Variants in CFAP206 observed in about 807,000 individuals in gnomAD.
CFAP206 encodes the protein cilia- and flagella-associated protein 206.
Under a neutral mutation model 65.4 loss-of-function variants are expected in CFAP206, and 53 were observed. That is an observed-to-expected ratio of 0.81 (90% CI 0.65 to 1.02). CFAP206 has a LOEUF of 1.02. Ranked by LOEUF, CFAP206 falls within the 50% of genes least tolerant of loss-of-function variation. CFAP206 has a pLI of 0.00. For missense variants in CFAP206, 663 were observed against 753.2 expected, an observed-to-expected ratio of 0.88 and a Z score of 1.40; for synonymous variants, 250 against 254.4, an observed-to-expected ratio of 0.98 and a Z score of 0.17.
At chr6:87,438,725 T>A (rs1768315836) in intron 11 of CFAP206, among the ~76,000 whole-genome samples, 1 of 152,184 alleles carries the variant, frequency 6.6e-6, no homozygotes, top group Admixed American at 6.5e-5. Context: ...AGTGACAACA[T>A]TTTTATTCTG....
intron 9 of CFAP206, among the ~76,000 whole-genome samples, 192 bp downstream of exon 9, chr6:87,429,016 G>A (rs1392568599): frequency 1.3e-5 from 2 of 152,170 alleles, no homozygotes; most frequent in Admixed American, 6.5e-5. Flanking sequence ...CGAGGCGGGT[G>A]GATCACCTGA....
chr6:87,409,294 A>G (rs1465193797), intron 1 of CFAP206, among the ~76,000 whole-genome samples: 3 of 151,314 alleles, frequency 2.0e-5, no homozygotes, highest in Admixed American at 2.0e-4. Flanking sequence ...TGGCACCGCA[A>G]CCTCCGCCTC....
chr6:87,460,982 A>T (rs1219449525), intron 11 of CFAP206, 40 bp from the exon 12 acceptor site: 1 of 1,529,628 alleles, frequency 6.5e-7, no homozygotes, highest in Non-Finnish European at 8.7e-7. Flanking sequence ...AATAATGTTT[A>T]TTTTTTACAA....
In CFAP206 at chr6:87,409,823, T is replaced by G; in HGVS notation, c.-5-12T>G. 6.4e-7 allele frequency: 1 copy of G among 1,553,500 alleles called. No homozygotes were observed. Among genetic ancestry groups the G allele is most frequent in the Non-Finnish European group, 8.8e-7 (1 of 1,140,430 alleles). ...CCACGGTTTTTTTAAAAAAAATTGT[T>G]GTTTTATTTAGCCAGAATGCCTCCA... On this transcript the variant is annotated splice_polypyrimidine_tract_variant and intron_variant, in intron 1 of 12. Transcript: ENST00000369562.
At chr6:87,421,224 G>A (rs755710781) in intron 7 of CFAP206, among the ~76,000 whole-genome samples, 12 of 152,204 alleles carry the variant, frequency 7.9e-5, no homozygotes, top group Non-Finnish European at 1.6e-4. Flanking sequence ...GGTGGCTCAC[G>A]CCTATAATCC....
chr6:87,420,779 A>G (rs1162123229), intron 7 of CFAP206, among the ~76,000 whole-genome samples: 1 of 152,194 alleles, frequency 6.6e-6, no homozygotes, highest in African/African-American at 2.4e-5. Context: ...CTCATTTCCA[A>G]GCTCCTTGCT....
Position 87,409,930 on chromosome 6 carries a change from ACT to A in CFAP206, c.94_95del (p.Leu32AspfsTer14), listed in dbSNP as rs773342800. 4.9e-4 allele frequency: 794 copies of A among 1,608,322 alleles called. 2 individuals carry two copies. The highest frequency in any genetic ancestry group is 2.9e-4 in the Admixed American group (17 of 59,480). Reference sequence around the variant, plus strand: ...AGCCCATGGAGAGATTGTTTCTGAAACTCTGATTGCTTTTATGGTAAGAAGAA... The same window carrying A: ...AGCCCATGGAGAGATTGTTTCTGAAACTGATTGCTTTTATGGTAAGAAGAA... ...CAAHGEIVSE[T>X]LIAFMVKAVV... On this transcript the variant is annotated frameshift_variant, in exon 2 of 13. Transcript: ENST00000369562. LOFTEE classifies it high-confidence loss of function.
chr6:87,459,038 T>C (rs1213678829), intron 11 of CFAP206, among the ~76,000 whole-genome samples: 1 of 152,072 alleles, frequency 6.6e-6, no homozygotes, highest in Non-Finnish European at 1.5e-5. Flanking sequence ...CTGGAGCTGA[T>C]AATTCATTTT....
At chr6:87,424,388 T>C (rs1030912518) in intron 7 of CFAP206, among the ~76,000 whole-genome samples, 1 of 152,166 alleles carries the variant, frequency 6.6e-6, no homozygotes, top group Non-Finnish European at 1.5e-5. Flanking sequence ...CAAGTGATTC[T>C]CCTGCCTCAG....
intron 9 of CFAP206, among the ~76,000 whole-genome samples, chr6:87,430,287 C>A (rs1202675633): frequency 6.6e-6 from 1 of 152,112 alleles, no homozygotes; most frequent in Non-Finnish European, 1.5e-5. Flanking sequence ...TAGAACCAGG[C>A]ACAGAAGTGT....
At chr6:87,454,363 A>T (rs142193506) in intron 11 of CFAP206, among the ~76,000 whole-genome samples, 2 of 152,220 alleles carry the variant, frequency 1.3e-5, no homozygotes, top group Admixed American at 1.3e-4. Context: ...ATCAGACTTA[A>T]TCTGCACTGT....
chr6:87,426,758 A>G (rs1039556672), intron 8 of CFAP206, 113 bp downstream of exon 8: 7 of 872,194 alleles, frequency 8.0e-6, no homozygotes, highest in Non-Finnish European at 1.1e-5. Flanking sequence ...AATGTTTTGT[A>G]TAAATTGATC....
chr6:87,410,551 C>G, intron 2 of CFAP206, 34 bp from the exon 3 acceptor site: 1 of 1,463,144 alleles, frequency 6.8e-7, no homozygotes, highest in Non-Finnish European at 9.6e-7. Context: ...TGGATTCTTT[C>G]CTAGTTAATG....
At chr6:87,439,320 T>C (rs1163483083) in intron 11 of CFAP206, among the ~76,000 whole-genome samples, 3 of 152,154 alleles carry the variant, frequency 2.0e-5, no homozygotes, top group African/African-American at 7.2e-5. Context: ...AAATAGTAGT[T>C]GAGTTTTTGC....
intron 7 of CFAP206, among the ~76,000 whole-genome samples, chr6:87,422,945 CAG>C (rs1004474292): frequency 5.3e-5 from 8 of 151,976 alleles, no homozygotes; most frequent in Non-Finnish European, 1.2e-4. Context: ...CTTTTTCAGA[CAG>C]GGTCTCGCTC....
chr6:87,464,003 A>T lies in CFAP206; in HGVS notation c.1639-17A>T. On this transcript the variant is annotated splice_polypyrimidine_tract_variant and intron_variant, in intron 12 of 12. Coordinates refer to ENST00000369562, the MANE Select transcript of CFAP206 (RefSeq NM_001031743.3). ...TCTTTAGAGAAATGTTAATTCCTGT[A>T]TTCTCTTTCTCTTTAGGCTAATTTG... 1 of 1,579,892 alleles carries T rather than the reference A, an allele frequency of 6.3e-7. No homozygotes were observed. The highest frequency in any genetic ancestry group is 8.7e-7 in the Non-Finnish European group (1 of 1,151,514).
At chr6:87,422,666 G>A (rs192214425) in intron 7 of CFAP206, among the ~76,000 whole-genome samples, 97 of 151,502 alleles carry the variant, frequency 6.4e-4, no homozygotes, top group African/African-American at 2.2e-3. Context: ...CAGGAGAATC[G>A]CTTGAACGCG....
chr6:87,425,273 T>A (rs1445224869), intron 7 of CFAP206, among the ~76,000 whole-genome samples: 1 of 152,188 alleles, frequency 6.6e-6, no homozygotes, highest in Non-Finnish European at 1.5e-5. Flanking sequence ...TACAAATTCT[T>A]ACAAAGAACC....
intron 11 of CFAP206, among the ~76,000 whole-genome samples, chr6:87,450,517 T>TTTTGGAGC (rs1768522417): frequency 3.7e-5 from 4 of 107,294 alleles, no homozygotes; most frequent in Non-Finnish European, 6.2e-5. Flanking sequence ...GTGTGTGTAA[T>TTTTGGAGC]TTTGGAGCTA....
Sources: allele counts gnomAD v4.1 joint callset (sites outside exome capture counted in the v4.1 genomes callset), GRCh38; gene constraint gnomAD v4.1.1; transcripts MANE v1.5; gene names NCBI Gene and HGNC (gene_info 2026-07-23, HGNC 2026-07-21).